TRPM8: variants seen among roughly 807,000 people sequenced by gnomAD.
TRPM8 encodes the protein TRPM8 cationic channel.
TRPM8 carries 110 observed loss-of-function variants against 133.7 expected under a neutral mutation model. That is an observed-to-expected ratio of 0.82 (90% confidence interval 0.70 to 0.96). TRPM8 has a LOEUF of 0.96. TRPM8 is among the 40% of genes least tolerant of loss of function. The pLI is 0.00. For missense variants in TRPM8, 1,291 were observed against 1,379.5 expected, an observed-to-expected ratio of 0.94 and a Z score of 1.02; for synonymous variants, 535 against 532.3, an observed-to-expected ratio of 1.01 and a Z score of -0.07.
intron 4 of TRPM8, 90 bp from the exon 5 acceptor site, chr2:233,938,908 A>G: frequency 7.0e-7 from 1 of 1,434,394 alleles, no homozygotes; most frequent in South Asian, 1.3e-5. Flanking sequence ...GAAGCAGGCA[A>G]GCGTGGGCTT....
chr2:233,994,890 A>T (rs1692366093), intron 21 of TRPM8, among the ~76,000 whole-genome samples: 1 of 152,220 alleles, frequency 6.6e-6, no homozygotes, highest in Non-Finnish European at 1.5e-5. Context: ...GGATGATTTG[A>T]TATTAGCAAT....
At chr2:233,920,977 C>T (rs1691394206) in intron 1 of TRPM8, among the ~76,000 whole-genome samples, 1 of 151,936 alleles carries the variant, frequency 6.6e-6, no homozygotes, top group South Asian at 2.1e-4. Flanking sequence ...CTGCCTCAAC[C>T]TCCTGAGCAG....
chr2:233,921,913 T>A (rs1559513833), intron 1 of TRPM8, among the ~76,000 whole-genome samples: 1 of 152,088 alleles, frequency 6.6e-6, no homozygotes, highest in Non-Finnish European at 1.5e-5. Context: ...CCTCAAGTGA[T>A]CCCCCTGCCT....
chr2:234,012,811 T>G (rs1692874993), intron 24 of TRPM8, among the ~76,000 whole-genome samples: 1 of 152,096 alleles, frequency 6.6e-6, no homozygotes, highest in Non-Finnish European at 1.5e-5. Context: ...AGAGTCTTTT[T>G]TTTTCTTTTA....
Position 233,961,063 on chromosome 2 carries a change from C to A in TRPM8, c.1650C>A (p.Leu550=). The A allele has an allele frequency of 6.2e-7, 1 of 1,613,212 alleles. No individual in the cohort carries two copies. The highest frequency in any genetic ancestry group is 8.5e-7 in the Non-Finnish European group (1 of 1,179,682). ...GCCGGGACGAGATGGACATAGAACT[C>A]CACGTAGGTACTGGGAGAGTTGCCT... ...RNGRDEMDIE[L]HDVSPITRHP... is the part of the protein sequence containing the mutation. Residue 550 remains leucine (L), a synonymous_variant, in exon 12 of 26, where the codon CTC becomes CTA. Coordinates refer to ENST00000324695, the MANE Select transcript of TRPM8 (RefSeq NM_024080.5).
intron 22 of TRPM8, among the ~76,000 whole-genome samples, chr2:234,004,005 T>C (rs1692632288): frequency 6.6e-6 from 1 of 152,146 alleles, no homozygotes; most frequent in African/African-American, 2.4e-5. Context: ...TAATTAATGA[T>C]TAAGCACAAT....
chr2:233,919,831 A>G (rs913066277), intron 1 of TRPM8, among the ~76,000 whole-genome samples: 1 of 152,180 alleles, frequency 6.6e-6, no homozygotes, highest in Non-Finnish European at 1.5e-5. Flanking sequence ...CAGACATTCA[A>G]GTTGTGACTA....
intron 17 of TRPM8, among the ~76,000 whole-genome samples, chr2:233,974,387 C>T (rs894959201): frequency 4.6e-4 from 70 of 152,130 alleles, no homozygotes; most frequent in African/African-American, 1.4e-3. Flanking sequence ...GCACGCACCA[C>T]CATGCCCAGC....
At chr2:233,923,100 G>T (rs1278372805) in intron 1 of TRPM8, among the ~76,000 whole-genome samples, 1 of 151,952 alleles carries the variant, frequency 6.6e-6, no homozygotes, top group Non-Finnish European at 1.5e-5. Flanking sequence ...CGATCTCCTG[G>T]CCTCGTGATC....
intron 9 of TRPM8, among the ~76,000 whole-genome samples, chr2:233,953,150 G>T (rs1474410757): frequency 6.6e-6 from 1 of 152,166 alleles, no homozygotes; most frequent in Non-Finnish European, 1.5e-5. Flanking sequence ...AGCCTCAAAA[G>T]CTCACCTTCT....
At chr2:233,949,239 T>A (rs1462737578) in intron 8 of TRPM8, among the ~76,000 whole-genome samples, 2 of 152,110 alleles carry the variant, frequency 1.3e-5, no homozygotes, top group Non-Finnish European at 2.9e-5. Flanking sequence ...GGTGATGTCT[T>A]CTCTAAGGAA....
chr2:233,960,813 T>C lies in TRPM8; in HGVS notation c.1400T>C (p.Ile467Thr). Reference protein sequence around the residue: ...DLQEVMFTALIKDRPKFVRLF... With the variant: ...DLQEVMFTALTKDRPKFVRLF... ...CAAGAAGTCATGTTTACGGCTCTCA[T>C]AAAGGACAGACCCAAGTTTGTCCGC... Residue 467 changes from isoleucine to threonine, a missense_variant, in exon 12 of 26, where the codon ATA becomes ACA. Coordinates refer to ENST00000324695, the MANE Select transcript of TRPM8 (RefSeq NM_024080.5). 6.2e-7 allele frequency: 1 copy of C among 1,614,182 alleles called. No individual in the cohort carries two copies.
At chr2:233,947,744 TC>T (rs1158231651) in intron 8 of TRPM8, among the ~76,000 whole-genome samples, 1 of 152,238 alleles carries the variant, frequency 6.6e-6, no homozygotes, top group Non-Finnish European at 1.5e-5. Context: ...CAGTCAGGCT[TC>T]TGTTTGACGT....
chr2:234,007,004 C>A, intron 23 of TRPM8, 52 bp downstream of exon 23: 2 of 1,398,002 alleles, frequency 1.4e-6, no homozygotes, highest in Non-Finnish European at 2.0e-6. Flanking sequence ...TAGACATAAG[C>A]CCATAGAACG....
In TRPM8 at chr2:233,966,766, C is replaced by T. The variant is rs780390476; in HGVS notation, c.2025+11C>T. 9.7e-6 allele frequency: 15 copies of T among 1,541,028 alleles called. No individual in the cohort carries two copies. Among genetic ancestry groups the T allele is most frequent in the Non-Finnish European group, 1.1e-5 (13 of 1,138,932 alleles). On this transcript the variant is annotated intron_variant, in intron 15 of 25. Transcript: ENST00000324695. The stretch of plus-strand genomic sequence containing the variant: ...CAGCCTGGGGTCCAGGTAAACCATA[C>T]TCAGCCACCAGACCACACGGCCAGA...
At chr2:233,999,890 A>G (rs534386684) in intron 22 of TRPM8, among the ~76,000 whole-genome samples, 1 of 152,300 alleles carries the variant, frequency 6.6e-6, no homozygotes, top group East Asian at 1.9e-4. Flanking sequence ...GATCCTCACC[A>G]TGCCCAGGCA....
Position 234,000,921 on chromosome 2 carries a change from G to A in TRPM8, c.3130+4405G>A, listed in dbSNP as rs113327434. Among the ~76,000 whole-genome samples the A allele has an allele frequency of 5.6e-4, 86 of 152,252 alleles. 1 individual carries two copies. The highest frequency in any genetic ancestry group is 9.6e-4 in the African/African-American group (40 of 41,540). On this transcript the variant is annotated intron_variant, in intron 22 of 25. Transcript: ENST00000324695. Reference sequence around the variant, plus strand: ...TCGAACTCCTGGCTTCAAGTGATCCGCCCACCTCAGCCTCCTAAAGTTCCC... The same window carrying A: ...TCGAACTCCTGGCTTCAAGTGATCCACCCACCTCAGCCTCCTAAAGTTCCC...
At chr2:233,925,948 C>T (rs1251399711) in intron 1 of TRPM8, among the ~76,000 whole-genome samples, 1 of 151,924 alleles carries the variant, frequency 6.6e-6, no homozygotes, top group Non-Finnish European at 1.5e-5. Context: ...TTTGCAATGC[C>T]CAGGCTAGCA....
intron 10 of TRPM8, 76 bp downstream of exon 10, chr2:233,954,095 T>A: frequency 9.7e-7 from 1 of 1,035,248 alleles, no homozygotes; most frequent in Non-Finnish European, 1.4e-6. Context: ...ACATTTCTTT[T>A]ATAAAACAGC....
Sources: allele counts gnomAD v4.1 joint callset (sites outside exome capture counted in the v4.1 genomes callset), GRCh38; gene constraint gnomAD v4.1.1; transcripts MANE v1.5; gene names NCBI Gene and HGNC (gene_info 2026-07-23, HGNC 2026-07-21).